Variants in ANKRD13C observed in about 807,000 individuals in gnomAD.
ANKRD13C encodes ankyrin repeat domain 13C, also known as ankyrin repeat domain-containing protein 13C.
Under a neutral mutation model 65.5 loss-of-function variants are expected in ANKRD13C, and 16 were observed. The ratio of observed to expected loss-of-function variants is 0.24; its 90% CI spans 0.17 to 0.37. The LOEUF (loss-of-function observed/expected upper bound fraction) is 0.37, where lower values mean the gene tolerates loss of function less well. ANKRD13C is among the 10% of genes least tolerant of loss of function. The pLI, the probability that ANKRD13C is intolerant of heterozygous loss-of-function variation, is 1.00. For synonymous variants in ANKRD13C, 235 were observed against 238.7 expected (o/e 0.98, Z 0.14); for missense variants, 503 against 655.9 (o/e 0.77, Z 2.55).
intron 1 of ANKRD13C, among the ~76,000 whole-genome samples, chr1:70,351,389 A>G (rs1487627414): frequency 6.6e-6 from 1 of 152,078 alleles, no homozygotes; most frequent in Non-Finnish European, 1.5e-5. Context: ...TACATCATTT[A>G]TTTATTTATT....
chr1:70,340,167 T>G (rs767832850), intron 1 of ANKRD13C, among the ~76,000 whole-genome samples: 1 of 152,132 alleles, frequency 6.6e-6, no homozygotes, highest in Non-Finnish European at 1.5e-5. Flanking sequence ...TTTATTCATC[T>G]TTTCAAAGAA....
intron 7 of ANKRD13C, among the ~76,000 whole-genome samples, chr1:70,300,130 A>G (rs181747981): frequency 3.9e-4 from 60 of 152,322 alleles, no homozygotes; most frequent in Non-Finnish European, 7.1e-4. Context: ...AGAAGGTAAG[A>G]TAAAAAGATA....
intron 2 of ANKRD13C, among the ~76,000 whole-genome samples, chr1:70,328,958 T>G (rs553178130): frequency 6.6e-6 from 1 of 152,276 alleles, no homozygotes; most frequent in East Asian, 1.9e-4. Flanking sequence ...AATGTAAACA[T>G]GTAAGATATC....
At chr1:70,263,994 TTA>T (rs1282521566) in intron 12 of ANKRD13C, among the ~76,000 whole-genome samples, 1 of 152,162 alleles carries the variant, frequency 6.6e-6, no homozygotes, top group African/African-American at 2.4e-5. Flanking sequence ...AACATAACAA[TTA>T]TAGAGTTTCC....
intron 5 of ANKRD13C, among the ~76,000 whole-genome samples, chr1:70,307,133 G>T (rs540376262): frequency 6.6e-6 from 1 of 152,270 alleles, no homozygotes; most frequent in South Asian, 2.1e-4. Context: ...TTTAAAATGG[G>T]TGATAAATTA....
chr1:70,351,311 T>C (rs1682733370), intron 1 of ANKRD13C, among the ~76,000 whole-genome samples: 1 of 152,260 alleles, frequency 6.6e-6, no homozygotes, highest in Non-Finnish European at 1.5e-5. Flanking sequence ...ATTGTCTGGC[T>C]CTGCTATGTA....
At chr1:70,334,645 C>T (rs890318257) in intron 2 of ANKRD13C, among the ~76,000 whole-genome samples, 3 of 151,910 alleles carry the variant, frequency 2.0e-5, no homozygotes, top group African/African-American at 7.3e-5. Context: ...AAAATAAAGG[C>T]CAGGCACGGT....
chr1:70,342,771 C>CAA (rs1553252235), intron 1 of ANKRD13C, among the ~76,000 whole-genome samples: 6 of 148,866 alleles, frequency 4.0e-5, no homozygotes, highest in African/African-American at 1.5e-4. Context: ...CACACACACA[C>CAA]AAAATAACAC....
intron 9 of ANKRD13C, among the ~76,000 whole-genome samples, chr1:70,277,073 A>G (rs1679172517): frequency 6.6e-6 from 1 of 152,190 alleles, no homozygotes; most frequent in Admixed American, 6.5e-5. Flanking sequence ...AAATATCAAA[A>G]TAATAACACC....
chr1:70,353,613 G>A (rs1163390391), intron 1 of ANKRD13C, among the ~76,000 whole-genome samples: 1 of 152,196 alleles, frequency 6.6e-6, no homozygotes, highest in African/African-American at 2.4e-5. Flanking sequence ...AAATGCCAAG[G>A]TAGGGGGAAG....
intron 1 of ANKRD13C, among the ~76,000 whole-genome samples, chr1:70,348,353 A>C (rs1419002472): frequency 6.6e-6 from 1 of 151,718 alleles, no homozygotes; most frequent in Non-Finnish European, 1.5e-5. Context: ...ATCTCAGCTC[A>C]CCCCAACCTC....
In ANKRD13C at chr1:70,262,134, T is replaced by C. The variant is rs1468042898; in HGVS notation, c.*583A>G. ...AAATGCAATTGTTTAATGGTTACCA[T>C]TTGGTTCATTCATCTACAGAAAATT... On this transcript the variant is annotated 3_prime_UTR_variant, in exon 13 of 13. Transcript: ENST00000370944. The C allele has an allele frequency of 1.5e-4, 23 of 152,568 alleles. No homozygotes were observed. The highest frequency in any genetic ancestry group is 1.3e-3 in the Admixed American group (20 of 15,274). 9.5% of individuals were successfully genotyped at this position (152,568 alleles called of 1,614,324 possible).
chr1:70,292,212 G>T, intron 9 of ANKRD13C, 176 bp downstream of exon 9: 1 of 461,536 alleles, frequency 2.2e-6, no homozygotes, highest in Non-Finnish European at 3.6e-6. Context: ...AATCCCAAAA[G>T]ACATTTTTTT....
chr1:70,293,133 A>G (rs1449116032), intron 8 of ANKRD13C, among the ~76,000 whole-genome samples: 1 of 152,130 alleles, frequency 6.6e-6, no homozygotes, highest in Non-Finnish European at 1.5e-5. Flanking sequence ...TTGCTCACCA[A>G]TACAATTAAA....
intron 1 of ANKRD13C, among the ~76,000 whole-genome samples, chr1:70,338,746 C>T (rs549278636): frequency 6.6e-6 from 1 of 152,178 alleles, no homozygotes; most frequent in Non-Finnish European, 1.5e-5. Context: ...GATTAGGAGC[C>T]GTCTGTGGGT....
intron 1 of ANKRD13C, among the ~76,000 whole-genome samples, chr1:70,341,497 G>C (rs752733137): frequency 5.9e-5 from 9 of 151,860 alleles, no homozygotes; most frequent in Non-Finnish European, 7.4e-5. Flanking sequence ...AAGTAGCTGG[G>C]ATTACAGGCA....
chr1:70,326,441 A>ATG (rs1681550218), intron 2 of ANKRD13C, among the ~76,000 whole-genome samples: 1 of 152,148 alleles, frequency 6.6e-6, no homozygotes, highest in African/African-American at 2.4e-5. Flanking sequence ...ATGCAAGATA[A>ATG]TGATAAGTGC....
chr1:70,294,315 C>T (rs980666112), intron 8 of ANKRD13C, among the ~76,000 whole-genome samples: 3 of 152,066 alleles, frequency 2.0e-5, no homozygotes, highest in South Asian at 2.1e-4. Flanking sequence ...TGGGCAGTGG[C>T]CAAGGAGGGC....
chr1:70,314,635 G>C (rs949109029), intron 4 of ANKRD13C, among the ~76,000 whole-genome samples: 2 of 151,552 alleles, frequency 1.3e-5, no homozygotes, highest in African/African-American at 4.8e-5. Flanking sequence ...ACATCAACAA[G>C]TTAGTCTTTC....
Sources: allele counts gnomAD v4.1 joint callset (sites outside exome capture counted in the v4.1 genomes callset), GRCh38; gene constraint gnomAD v4.1.1; transcripts MANE v1.5; gene names NCBI Gene and HGNC (gene_info 2026-07-23, HGNC 2026-07-21).